The following PTBP1 variants were observed in gnomAD, a reference collection of about 807,000 sequenced individuals.
PTBP1 encodes polypyrimidine tract binding protein 1.
In PTBP1, 8 loss-of-function variants were observed where a neutral mutation model predicts 59.8. That is an observed-to-expected ratio of 0.13 (90% CI 0.08 to 0.24). The LOEUF is 0.24. Among genes scored for constraint, PTBP1 ranks in the 10% least tolerant of loss-of-function variants. The pLI, the probability that PTBP1 is intolerant of heterozygous loss-of-function variation, is 1.00. For synonymous variants in PTBP1, 490 were observed against 320.7 expected, an observed-to-expected ratio of 1.53 and a Z score of -5.64; for missense variants, 686 against 767.0, an observed-to-expected ratio of 0.89 and a Z score of 1.25.
Position 808,778 on chromosome 19 carries a change from G to C in PTBP1, c.1463+16G>C, listed in dbSNP as rs1410012851. Reference sequence around the variant, plus strand: ...CCAACATCCCGTGAGTGCTGGGCCGGGGGGCTCATGGGGCCGGGGGCGGGC... The same window carrying C: ...CCAACATCCCGTGAGTGCTGGGCCGCGGGGCTCATGGGGCCGGGGGCGGGC... On this transcript the variant is annotated intron_variant, in intron 13 of 14. Transcript: ENST00000356948. The surrounding 1 kb of genome is among the most constrained non-coding windows in gnomAD (Gnocchi z 4.7). The C allele has an allele frequency of 6.5e-7, 1 of 1,538,494 alleles. No homozygotes were observed. Among genetic ancestry groups the C allele is most frequent in the Non-Finnish European group, 8.9e-7 (1 of 1,121,302 alleles).
Position 811,455 on chromosome 19 carries a change from G to C in PTBP1, c.*629G>C, listed in dbSNP as rs1484524103. The C allele has an allele frequency of 1.3e-5, 2 of 152,496 alleles. No individual in the cohort carries two copies. Among genetic ancestry groups the C allele is most frequent in the Non-Finnish European group, 2.9e-5 (2 of 68,058 alleles). The allele number at this position is 152,496 out of a possible 1,614,324, so 9.4% of individuals were successfully genotyped here. A position where few individuals can be genotyped will look rare whatever the true frequency, so the allele number is the denominator to read the frequency against. On this transcript the variant is annotated 3_prime_UTR_variant, in exon 15 of 15. Coordinates refer to ENST00000356948, the MANE Select transcript of PTBP1 (RefSeq NM_002819.5). ...CTGTATTATATACTTTGCAGTTGCAGACGTCTGTGCCTAGCAATATTTCCA... is the reference window on the plus strand; with the variant it reads ...CTGTATTATATACTTTGCAGTTGCACACGTCTGTGCCTAGCAATATTTCCA...
chr19:798,524 C>A (rs1425490197), intron 1 of PTBP1: 2 of 152,288 alleles, frequency 1.3e-5, no homozygotes, highest in Non-Finnish European at 2.9e-5. Flanking sequence ...GGGTCTGGAC[C>A]CCTTAGCATG....
Position 808,507 on chromosome 19 carries a change from C to T in PTBP1, c.1247-39C>T, listed in dbSNP as rs983399461. 6 of 1,558,924 alleles carry T rather than the reference C, an allele frequency of 3.8e-6. No individual in the cohort carries two copies. The highest frequency in any genetic ancestry group is 2.3e-4 in the Middle Eastern group (1 of 4,372). On this transcript the variant is annotated intron_variant, in intron 12 of 14. Coordinates refer to ENST00000356948, the MANE Select transcript of PTBP1 (RefSeq NM_002819.5). This position sits in a 1 kb window ranked among gnomAD's most constrained non-coding sequence, Gnocchi z 4.7. Reference sequence around the variant, plus strand: ...GGGGGCAGGGGCGGGGGCTGCGTTCCCTCTCGGGCGCCTGGTCACGCGGGT... The same window carrying T: ...GGGGGCAGGGGCGGGGGCTGCGTTCTCTCTCGGGCGCCTGGTCACGCGGGT...
At chr19:797,785 G>A (rs1216901184) in intron 1 of PTBP1, among the ~76,000 whole-genome samples, 1 of 147,386 alleles carries the variant, frequency 6.8e-6, no homozygotes, top group African/African-American at 2.5e-5. Flanking sequence ...CTCCGCGCGC[G>A]TCCCCGCACT....
intron 10 of PTBP1, 137 bp from the exon 11 acceptor site, chr19:807,732 T>A: frequency 1.5e-6 from 1 of 679,506 alleles, no homozygotes; most frequent in Admixed American, 2.6e-5. Flanking sequence ...AATATTAACA[T>A]CCTGACAACT....
intron 2 of PTBP1, among the ~76,000 whole-genome samples, chr19:802,727 C>A (rs952303968): frequency 3.3e-5 from 5 of 152,236 alleles, no homozygotes; most frequent in African/African-American, 1.2e-4. Flanking sequence ...ACGTCTCCTC[C>A]AATTTCACTC....
chr19:810,664 T>C (rs2034821210), intron 14 of PTBP1, 30 bp from the exon 15 acceptor site: 2 of 1,611,756 alleles, frequency 1.2e-6, no homozygotes, highest in Admixed American at 1.7e-5. Context: ...CAGGCTGCCC[T>C]GCGGCCGGCC....
At chr19:807,673 A>C (rs1488879003) in intron 10 of PTBP1, 196 bp from the exon 11 acceptor site, 1 of 510,196 alleles carries the variant, frequency 2.0e-6, no homozygotes, top group Non-Finnish European at 3.5e-6. Flanking sequence ...CAAATAAAAA[A>C]CAAAAATTCC....
intron 9 of PTBP1, chr19:806,124 T>C (rs2145054284): frequency 2.7e-6 from 1 of 365,104 alleles, no homozygotes; most frequent in South Asian, 6.1e-5. Flanking sequence ...CCCGTGTCTG[T>C]GCTGGCGGAG....
At chr19:806,334 G>A in intron 9 of PTBP1, 74 bp from the exon 10 acceptor site, 6 of 1,465,728 alleles carry the variant, frequency 4.1e-6, no homozygotes, top group South Asian at 2.7e-5. Flanking sequence ...GCATGAGGAC[G>A]GGGAGCGTCG....
intron 2 of PTBP1, 49 bp downstream of exon 2, chr19:799,492 C>T: frequency 6.2e-7 from 1 of 1,600,026 alleles, no homozygotes; most frequent in Non-Finnish European, 8.6e-7. Context: ...TGACCTTGTG[C>T]CGACCCCGGG....
At position 804,065 on chromosome 19, in the gene PTBP1, G is replaced by A. The variant is rs1296541727; in HGVS notation, c.145G>A (p.Gly49Ser). The change falls in exon 4 of 15, where the codon GGT (glycine) becomes AGT (serine). Residue 49 changes from glycine (G) to serine (S), a missense_variant. Physicochemically the swap from Gly to Ser is moderately conservative, Grantham distance 56. Coordinates refer to ENST00000356948, the MANE Select transcript of PTBP1 (RefSeq NM_002819.5). ...ANGNDSKKFK[G>S]DSRSAGVPSR... ...CGGAAATGACAGCAAGAAGTTCAAA[G>A]GTGACAGCCGAAGTGCAGGCGTCCC... 6 of 1,613,918 alleles carry A rather than the reference G, an allele frequency of 3.7e-6. 1 individual carries two copies. In the African/African-American group the frequency reaches 6.7e-5, roughly 18 times the overall value.
chr19:803,983 C>T lies in PTBP1; in HGVS notation c.116-53C>T, dbSNP rs2034449320. ...CTCTAGGGGGATAGCAGGGACCTTC[C>T]TCTGTGGGCTCCTGCGAGTTGGTGC... On this transcript the variant is annotated intron_variant, in intron 3 of 14. Transcript: ENST00000356948. 6.2e-6 allele frequency: 10 copies of T among 1,603,980 alleles called. No individual in the cohort carries two copies. In the East Asian group the frequency reaches 2.2e-4, roughly 36 times the overall value.
In PTBP1 at chr19:805,068, C is replaced by G. The variant is rs1251135895; in HGVS notation, c.773C>G (p.Ser258Cys). 1.2e-6 allele frequency: 2 copies of G among 1,613,888 alleles called. No individual in the cohort carries two copies. Among genetic ancestry groups the G allele is most frequent in the Non-Finnish European group, 8.5e-7 (1 of 1,179,884 alleles). ...TGCTGCACGCTGCGCATCGACTTTT[C>G]CAAGCTCACCAGCCTCAACGTCAAG... ...NACCTLRIDF[S>C]KLTSLNVKYN... is the part of the protein sequence containing the mutation. The change falls in exon 8 of 15, where the codon TCC (serine) becomes TGC (cysteine). Residue 258 changes from serine to cysteine, a missense_variant. Physicochemically the swap from Ser to Cys is moderately radical, Grantham distance 112. Coordinates refer to ENST00000356948, the MANE Select transcript of PTBP1 (RefSeq NM_002819.5).
chr19:805,113 G>T lies in PTBP1; in HGVS notation c.818G>T (p.Arg273Leu). Residue 273 changes from arginine to leucine, a missense_variant, in exon 8 of 15, where the codon CGT becomes CTT. By Grantham distance (102) the Arg-to-Leu change is moderately radical (BLOSUM62 -2). Transcript: ENST00000356948. ...GTCAAGTACAACAATGACAAGAGCC[G>T]TGACTACACACGCCCAGACCTGCCT... ...LNVKYNNDKS[R>L]DYTRPDLPSG... 6.2e-7 allele frequency: 1 copy of T among 1,613,864 alleles called. No individual in the cohort carries two copies. The highest frequency in any genetic ancestry group is 8.5e-7 in the Non-Finnish European group (1 of 1,179,884).
rs1286034855 is a variant in PTBP1, at chr19:808,214, C to T, written c.1154-146C>T. On this transcript the variant is annotated intron_variant, in intron 11 of 14. Transcript: ENST00000356948. The surrounding 1 kb of genome is among the most constrained non-coding windows in gnomAD (Gnocchi z 4.7). ...CTGCTCCTGTTAGCGCGCCCTGTGG[C>T]TGCGAGACGCAGCTCCGCAGTGGCC... The T allele has an allele frequency of 5.7e-6, 4 of 702,198 alleles. No individual in the cohort carries two copies. Among genetic ancestry groups the T allele is most frequent in the Non-Finnish European group, 9.9e-6 (4 of 403,910 alleles). The allele number at this position is 702,198 out of a possible 1,614,324, so 43.5% of individuals were successfully genotyped here.
rs1225313667 is a variant in PTBP1, at chr19:806,515, G to T, written c.1078G>T (p.Ala360Ser). 2.6e-6 allele frequency: 4 copies of T among 1,566,300 alleles called. No individual in the cohort carries two copies. The highest frequency in any genetic ancestry group is 3.5e-6 in the Non-Finnish European group (4 of 1,159,238). Residue 360 changes from alanine to serine, a missense_variant, in exon 10 of 15, where the codon GCA (alanine) becomes TCA (serine). Coordinates refer to ENST00000356948, the MANE Select transcript of PTBP1 (RefSeq NM_002819.5). The part of the protein sequence containing the change: ...GRIAIPGLAG[A>S]GNSVLLVSNL... ...GATCGCCATCCCGGGCCTGGCGGGGGCAGGAAATTCTGTATTGCTGGTCAG... is the reference window on the plus strand; with the variant it reads ...GATCGCCATCCCGGGCCTGGCGGGGTCAGGAAATTCTGTATTGCTGGTCAG...
Position 806,476 on chromosome 19 carries a change from G to A in PTBP1, c.1039G>A (p.Ala347Thr), listed in dbSNP as rs374159299. 2.6e-5 allele frequency: 42 copies of A among 1,591,338 alleles called. No homozygotes were observed. Among genetic ancestry groups the A allele is most frequent in the Non-Finnish European group, 3.5e-5 (41 of 1,170,324 alleles). Residue 347 changes from alanine (A) to threonine (T), a missense_variant, in exon 10 of 15, where the codon GCG (alanine) becomes ACG (threonine). Physicochemically the swap from Ala to Thr is moderately conservative, Grantham distance 58 (BLOSUM62 0). Transcript: ENST00000356948. ...CATCCCCTCGGCGGCGGCGGCAGCT[G>A]CGGCGGCAGGTCGGATCGCCATCCC... is the stretch of plus-strand genomic sequence containing the variant. Reference protein sequence around the residue: ...LAIPSAAAAAAAAGRIAIPGL... With the variant: ...LAIPSAAAAATAAGRIAIPGL...
chr19:808,031 T>C lies in PTBP1; in HGVS notation c.1153+129T>C. 1.1e-6 allele frequency: 1 copy of C among 899,250 alleles called. No homozygotes were observed. The allele number at this position is 899,250 out of a possible 1,614,324, so 55.7% of individuals were successfully genotyped here. A position where few individuals can be genotyped will look rare whatever the true frequency, so the allele number is the denominator to read the frequency against. ...GTGGCATCCGCCTCGTTTTATGGTT[T>C]GCTTTCGGTTTGCGAATTTTATTTG... On this transcript the variant is annotated intron_variant, in intron 11 of 14. Coordinates refer to ENST00000356948, the MANE Select transcript of PTBP1 (RefSeq NM_002819.5). This position sits in a 1 kb window ranked among gnomAD's most constrained non-coding sequence, Gnocchi z 4.7.
Sources: allele counts gnomAD v4.1 joint callset (sites outside exome capture counted in the v4.1 genomes callset), GRCh38; gene constraint gnomAD v4.1.1; non-coding constraint Gnocchi (gnomAD v3.1); transcripts MANE v1.5; gene names NCBI Gene and HGNC (gene_info 2026-07-23, HGNC 2026-07-21).